NPAS3: variants seen among roughly 807,000 people sequenced by gnomAD.
NPAS3 encodes the protein neuronal PAS domain-containing protein 3.
NPAS3 carries 14 observed loss-of-function variants against 73.1 expected under a neutral mutation model. That is an observed-to-expected ratio of 0.19 (90% CI 0.13 to 0.30). The LOEUF (loss-of-function observed/expected upper bound fraction) is 0.30, where lower values mean the gene tolerates loss of function less well. Ranked by LOEUF, NPAS3 falls within the 10% of genes least tolerant of loss-of-function variation. The pLI is 1.00. For missense variants in NPAS3, 1,096 were observed against 1,250.0 expected (o/e 0.88, Z 1.86); for synonymous variants, 620 against 541.5 (o/e 1.14, Z -2.01).
intron 7 of NPAS3, among the ~76,000 whole-genome samples, chr14:33,746,548 T>G (rs923866858): frequency 1.3e-5 from 2 of 151,618 alleles, no homozygotes; most frequent in Admixed American, 6.6e-5. Context: ...TATAGTTAAA[T>G]ATATTTGTAA....
chr14:32,938,789 G>A (rs1267473560), upstream of NPAS3, among the ~76,000 whole-genome samples: 2 of 148,022 alleles, frequency 1.4e-5, no homozygotes, highest in Admixed American at 1.3e-4. Context: ...CGGAGGCGGC[G>A]GGGCCCTGGG....
intron 4 of NPAS3, among the ~76,000 whole-genome samples, chr14:33,557,743 GC>G (rs1389002181): frequency 1.2e-4 from 19 of 152,218 alleles, no homozygotes; most frequent in Non-Finnish European, 2.5e-4. Flanking sequence ...GCCGAGGCGG[GC>G]AGATCACGAG....
At chr14:33,658,540 C>T (rs1488700444) in intron 5 of NPAS3, among the ~76,000 whole-genome samples, 1 of 152,136 alleles carries the variant, frequency 6.6e-6, no homozygotes, top group African/African-American at 2.4e-5. Flanking sequence ...TTGGGAATGA[C>T]CAAAACCAAA....
chr14:33,765,818 C>T (rs1033496389), intron 7 of NPAS3, among the ~76,000 whole-genome samples: 1 of 152,144 alleles, frequency 6.6e-6, no homozygotes, highest in Non-Finnish European at 1.5e-5. Context: ...GTATGTCCTG[C>T]CAGCCACTGT....
chr14:33,265,379 G>C (rs2049131418), intron 3 of NPAS3, among the ~76,000 whole-genome samples: 1 of 152,068 alleles, frequency 6.6e-6, no homozygotes, highest in Admixed American at 6.6e-5. Context: ...TTTCTAAGGA[G>C]TCATATTTTC....
intron 2 of NPAS3, among the ~76,000 whole-genome samples, chr14:33,173,002 A>C (rs527927161): frequency 6.6e-6 from 1 of 152,340 alleles, no homozygotes; most frequent in African/African-American, 2.4e-5. Flanking sequence ...CAATATGAGA[A>C]GTTTTAATGT....
chr14:33,281,253 G>T (rs1377776922), intron 3 of NPAS3, among the ~76,000 whole-genome samples: 7 of 152,226 alleles, frequency 4.6e-5, no homozygotes, highest in African/African-American at 1.7e-4. Flanking sequence ...AGATTTCTTA[G>T]ATTTCCTGAT....
At chr14:33,616,203 G>T (rs2057912237) in intron 5 of NPAS3, among the ~76,000 whole-genome samples, 1 of 152,226 alleles carries the variant, frequency 6.6e-6, no homozygotes, top group Non-Finnish European at 1.5e-5. Flanking sequence ...CAACGGGTCT[G>T]TTGGGAGTTG....
intron 2 of NPAS3, among the ~76,000 whole-genome samples, chr14:33,170,741 C>T (rs1257376755): frequency 6.6e-6 from 1 of 152,196 alleles, no homozygotes; most frequent in Non-Finnish European, 1.5e-5. Context: ...TAAGTGTGAT[C>T]GTGAGATTAC....
At chr14:33,634,955 G>A (rs1247652846) in intron 5 of NPAS3, among the ~76,000 whole-genome samples, 6 of 152,160 alleles carry the variant, frequency 3.9e-5, no homozygotes, top group East Asian at 3.8e-4. Flanking sequence ...CATAATTTCC[G>A]AAGGAGGGAT....
At chr14:33,356,037 A>G (rs1233899845) in intron 3 of NPAS3, among the ~76,000 whole-genome samples, 1 of 152,202 alleles carries the variant, frequency 6.6e-6, no homozygotes, top group Non-Finnish European at 1.5e-5. Context: ...GAATCTTTAG[A>G]TGAATAAGTG....
chr14:33,604,301 G>A (rs909111863), intron 5 of NPAS3, among the ~76,000 whole-genome samples: 1 of 150,992 alleles, frequency 6.6e-6, no homozygotes, highest in Middle Eastern at 3.2e-3. Context: ...AGACAAAATA[G>A]GTTTAAAGTA....
intron 6 of NPAS3, among the ~76,000 whole-genome samples, chr14:33,723,149 C>T (rs2140557998): frequency 6.6e-6 from 1 of 152,224 alleles, no homozygotes; most frequent in Admixed American, 6.5e-5. Flanking sequence ...TCAATAATTG[C>T]TTAGTTCTGT....
intron 4 of NPAS3, among the ~76,000 whole-genome samples, chr14:33,514,909 A>G (rs1885263): frequency 0.21 from 31,475 of 152,008 alleles, 3,432 homozygotes; most frequent in South Asian, 0.28. Context: ...AGTGCCCAAC[A>G]GTTAATGTCC....
chr14:33,250,650 C>G (rs1232609381), intron 3 of NPAS3, among the ~76,000 whole-genome samples: 2 of 152,062 alleles, frequency 1.3e-5, no homozygotes, highest in African/African-American at 4.8e-5. Context: ...TTTGAATGAT[C>G]TTTACATTCA....
chr14:33,254,913 T>G (rs951255170), intron 3 of NPAS3, among the ~76,000 whole-genome samples: 2 of 152,076 alleles, frequency 1.3e-5, no homozygotes, highest in African/African-American at 4.8e-5. Flanking sequence ...ATTCATGGAC[T>G]ATGTCAGGAG....
At chr14:33,232,296 A>G (rs531118635) in intron 3 of NPAS3, among the ~76,000 whole-genome samples, 1 of 152,314 alleles carries the variant, frequency 6.6e-6, no homozygotes, top group African/African-American at 2.4e-5. Flanking sequence ...GGACGGATTC[A>G]TCCCCACAAC....
At chr14:33,568,161 G>C (rs1326340143) in intron 5 of NPAS3, among the ~76,000 whole-genome samples, 1 of 152,194 alleles carries the variant, frequency 6.6e-6, no homozygotes, top group Non-Finnish European at 1.5e-5. Flanking sequence ...CATTTTATTT[G>C]TGTGGATTAA....
intron 1 of NPAS3, among the ~76,000 whole-genome samples, chr14:33,006,556 G>T (rs950366051): frequency 1.3e-5 from 2 of 152,048 alleles, no homozygotes; most frequent in African/African-American, 4.8e-5. Flanking sequence ...AAGCAATCTG[G>T]TTACTAAACA....
Sources: allele counts gnomAD v4.1 joint callset (sites outside exome capture counted in the v4.1 genomes callset), GRCh38; gene constraint gnomAD v4.1.1; transcripts MANE v1.5; gene names NCBI Gene and HGNC (gene_info 2026-07-23, HGNC 2026-07-21).